TMEM131L: variants seen among roughly 807,000 people sequenced by gnomAD.
TMEM131L encodes transmembrane 131 like.
TMEM131L carries 54 observed loss-of-function variants against 192.2 expected under a neutral mutation model. The observed-to-expected ratio is 0.28, with a 90% CI of 0.23 to 0.35. The LOEUF is 0.35. TMEM131L is among the 10% of genes least tolerant of loss of function. The probability of loss-of-function intolerance (pLI) is 1.00; values close to 1 mark genes in which losing one functional copy is unlikely to be tolerated. For missense variants in TMEM131L, 1,888 were observed against 1,972.9 expected (o/e 0.96, Z 0.82); for synonymous variants, 701 against 704.9 (o/e 0.99, Z 0.09).
At chr4:153,568,385 C>T (rs1729366408) in intron 7 of TMEM131L, among the ~76,000 whole-genome samples, 1 of 152,198 alleles carries the variant, frequency 6.6e-6, no homozygotes, top group Non-Finnish European at 1.5e-5. Context: ...ACTGTGAGGA[C>T]ACAGTTTCCT....
At chr4:153,482,489 A>G (rs1275856237) in intron 3 of TMEM131L, among the ~76,000 whole-genome samples, 1 of 152,174 alleles carries the variant, frequency 6.6e-6, no homozygotes, top group Non-Finnish European at 1.5e-5. Context: ...ACACCTATTT[A>G]TATAGTTATT....
intron 3 of TMEM131L, among the ~76,000 whole-genome samples, chr4:153,482,508 A>G (rs1732019012): frequency 6.6e-6 from 1 of 152,212 alleles, no homozygotes; most frequent in Admixed American, 6.5e-5. Context: ...TTTAGCCTTC[A>G]GTTGAAATAA....
At chr4:153,535,262 G>A (rs1171301367) in intron 3 of TMEM131L, among the ~76,000 whole-genome samples, 1 of 152,144 alleles carries the variant, frequency 6.6e-6, no homozygotes, top group Non-Finnish European at 1.5e-5. Flanking sequence ...GATGGCTGTG[G>A]GCAGTTGGGT....
intron 32 of TMEM131L, 116 bp downstream of exon 32, chr4:153,632,954 T>C (rs1734315282): frequency 8.0e-7 from 1 of 1,251,248 alleles, no homozygotes; most frequent in Admixed American, 2.1e-5. Flanking sequence ...TCTTCCTTGG[T>C]GTACTTTAGC....
At chr4:153,558,439 TTACTATTTTCTGC>T in intron 7 of TMEM131L, 71 bp downstream of exon 7, 1 of 869,382 alleles carries the variant, frequency 1.2e-6, no homozygotes, top group South Asian at 1.8e-5. Context: ...ATTGGTTATT[TTACTATTTTCTGC>T]TTTTTGAAAA....
intron 26 of TMEM131L, among the ~76,000 whole-genome samples, chr4:153,617,984 T>C (rs562303449): frequency 6.6e-6 from 1 of 152,204 alleles, no homozygotes; most frequent in African/African-American, 2.4e-5. Context: ...ATATCAACTC[T>C]ATCAAATATT....
chr4:153,503,524 C>T (rs1357927109), intron 3 of TMEM131L, among the ~76,000 whole-genome samples: 1 of 152,062 alleles, frequency 6.6e-6, no homozygotes, highest in East Asian at 1.9e-4. Flanking sequence ...TTTGAAAAAA[C>T]CTGTTAGGAT....
intron 3 of TMEM131L, among the ~76,000 whole-genome samples, chr4:153,542,328 A>G (rs1659924862): frequency 6.6e-6 from 1 of 152,190 alleles, no homozygotes; most frequent in African/African-American, 2.4e-5. Flanking sequence ...GAGGGTAGCC[A>G]GTGGAGAGGC....
chr4:153,582,425 T>TTTG (rs1730410748), intron 9 of TMEM131L, among the ~76,000 whole-genome samples: 3 of 124,660 alleles, frequency 2.4e-5, no homozygotes, highest in African/African-American at 1.4e-4. Context: ...AAACCGTTTT[T>TTTG]TTTTGTTGTT....
chr4:153,515,652 A>C (rs910773347), intron 3 of TMEM131L, among the ~76,000 whole-genome samples: 16 of 152,202 alleles, frequency 1.1e-4, no homozygotes, highest in Admixed American at 8.5e-4. Context: ...GGAACTGCCA[A>C]ATTGTTTTCC....
At chr4:153,566,413 G>T (rs1034394060) in intron 7 of TMEM131L, among the ~76,000 whole-genome samples, 15 of 152,252 alleles carry the variant, frequency 9.9e-5, no homozygotes, top group African/African-American at 2.6e-4. Context: ...GGGATTACAG[G>T]CATGAGCCAC....
chr4:153,587,207 C>T (rs1049315395), intron 14 of TMEM131L, among the ~76,000 whole-genome samples: 1 of 151,786 alleles, frequency 6.6e-6, no homozygotes, highest in Non-Finnish European at 1.5e-5. Context: ...TGCATGTCAG[C>T]AGAGTGTGGG....
chr4:153,547,776 C>T (rs1737297531), intron 3 of TMEM131L, among the ~76,000 whole-genome samples: 1 of 152,208 alleles, frequency 6.6e-6, no homozygotes, highest in African/African-American at 2.4e-5. Context: ...TGACACAGGG[C>T]TCATGTTTCC....
Position 153,514,899 on chromosome 4 carries a change from G to A in TMEM131L, c.240-35174G>A, listed in dbSNP as rs536392949. 2.6e-5 allele frequency among the ~76,000 whole-genome samples: 4 copies of A among 151,712 alleles called. No homozygotes were observed. In the East Asian group the frequency reaches 5.8e-4, roughly 22 times the overall value. ...GCAATCGTGGCTCACTGCAACTTCC[G>A]CCTCCTGGGTTCAAGCAATTCTCTG... On this transcript the variant is annotated intron_variant, in intron 3 of 34. Coordinates refer to ENST00000409959, the MANE Select transcript of TMEM131L (RefSeq NM_001131007.2).
chr4:153,587,729 C>T lies in TMEM131L; in HGVS notation c.1483-13C>T. ...TGTGTTTTAAGTTATTCATATATTA[C>T]TTTTCAATCTAGGAAGGGAGTCTGG... On this transcript the variant is annotated splice_polypyrimidine_tract_variant and intron_variant, in intron 14 of 34. Transcript: ENST00000409959. 1 of 1,581,298 alleles carries T rather than the reference C, an allele frequency of 6.3e-7. No individual in the cohort carries two copies. Among genetic ancestry groups the T allele is most frequent in the South Asian group, 1.1e-5 (1 of 90,428 alleles).
intron 7 of TMEM131L, among the ~76,000 whole-genome samples, chr4:153,562,228 G>T (rs1157278281): frequency 6.6e-6 from 1 of 151,974 alleles, no homozygotes; most frequent in African/African-American, 2.4e-5. Flanking sequence ...AGTAGAGACA[G>T]GGTTTCACCA....
chr4:153,583,282 A>G (rs1376038098), intron 10 of TMEM131L, 34 bp downstream of exon 10: 3 of 1,079,786 alleles, frequency 2.8e-6, no homozygotes, highest in Non-Finnish European at 4.3e-6. Flanking sequence ...GTAACTTTTA[A>G]AATTGCAAGT....
intron 31 of TMEM131L, among the ~76,000 whole-genome samples, chr4:153,630,921 G>A (rs1039790983): frequency 6.6e-6 from 1 of 152,216 alleles, no homozygotes; most frequent in Admixed American, 6.5e-5. Flanking sequence ...CAGAAGCCAA[G>A]ATCCATTTTC....
chr4:153,521,020 TTGTG>T (rs1377310523), intron 3 of TMEM131L, among the ~76,000 whole-genome samples: 3 of 152,254 alleles, frequency 2.0e-5, no homozygotes, highest in Admixed American at 6.5e-5. Flanking sequence ...AGCCAGTTCT[TTGTG>T]TGTGTGATTT....
Sources: allele counts gnomAD v4.1 joint callset (sites outside exome capture counted in the v4.1 genomes callset), GRCh38; gene constraint gnomAD v4.1.1; transcripts MANE v1.5; gene names NCBI Gene and HGNC (gene_info 2026-07-23, HGNC 2026-07-21).